The following PPP4R2 variants were observed in gnomAD, a reference collection of about 807,000 sequenced individuals.
The protein encoded by PPP4R2 is protein phosphatase 4 regulatory subunit 2.
In PPP4R2, 13 loss-of-function variants were observed where a neutral mutation model predicts 47.2. The observed-to-expected ratio is 0.28, with a 90% CI of 0.18 to 0.44. The LOEUF is 0.44. Ranked by LOEUF, PPP4R2 falls within the 20% of genes least tolerant of loss-of-function variation. The pLI is 1.00. For synonymous variants in PPP4R2, 151 were observed against 163.3 expected, an observed-to-expected ratio of 0.92 and a Z score of 0.57; for missense variants, 421 against 491.2, an observed-to-expected ratio of 0.86 and a Z score of 1.35.
intron 2 of PPP4R2, among the ~76,000 whole-genome samples, chr3:73,035,765 A>G (rs751657889): frequency 3.3e-5 from 5 of 152,004 alleles, no homozygotes; most frequent in South Asian, 2.1e-4. Flanking sequence ...AGCTGGGACT[A>G]CAGGCACACA....
rs1267623927 is a variant in PPP4R2 at position 73,013,285 on chromosome 3, T to G, written c.116+15127T>G. ...GCTTTAAAAACTTGGATTTAAAATATGGAGAATATCTTGATATATGCTTTT... is the reference window on the plus strand; with the variant it reads ...GCTTTAAAAACTTGGATTTAAAATAGGGAGAATATCTTGATATATGCTTTT... On this transcript the variant is annotated intron_variant, in intron 2 of 8. Coordinates refer to ENST00000356692, the MANE Select transcript of PPP4R2 (RefSeq NM_174907.4). Among the ~76,000 whole-genome samples, 3 of 152,192 alleles carry G rather than the reference T, an allele frequency of 2.0e-5. No homozygotes were observed. In the East Asian group the frequency reaches 5.8e-4, roughly 29 times the overall value.
chr3:72,996,810 C>T (rs1272350244), upstream of PPP4R2: 5 of 383,168 alleles, frequency 1.3e-5, no homozygotes, highest in East Asian at 1.9e-4. Context: ...GGTGACGTAC[C>T]GGGCGCCATG....
rs759442308 is a variant in PPP4R2 at position 73,047,343 on chromosome 3, A to G, written c.274A>G (p.Thr92Ala). Residue 92 changes from threonine (T) to alanine (A), a missense_variant, in exon 3 of 9, where the codon ACT (threonine) becomes GCT (alanine). Transcript: ENST00000356692. ...EMKERILKIV[T>A]GFNGIPFTIQ... is the part of the protein sequence containing the mutation. ...GAAGGAAAGAATACTGAAAATTGTC[A>G]CTGGATTTAATGGGTATGCACTTAA... 2.5e-6 allele frequency: 4 copies of G among 1,608,054 alleles called. No homozygotes were observed. Among genetic ancestry groups the G allele is most frequent in the East Asian group, 4.5e-5 (2 of 44,770 alleles).
At chr3:73,031,539 CTCAAAAAAGAAAA>C (rs1343487658) in intron 2 of PPP4R2, among the ~76,000 whole-genome samples, 2 of 129,178 alleles carry the variant, frequency 1.5e-5, no homozygotes, top group African/African-American at 6.2e-5. Flanking sequence ...GAAACTGTGT[CTCAAAAAAGAAAA>C]GAAAAAAAGA....
chr3:73,063,315 A>AT (rs961097221), intron 5 of PPP4R2: 99 of 152,988 alleles, frequency 6.5e-4, no homozygotes, highest in East Asian at 6.0e-3. Context: ...AATTCTCATT[A>AT]TTTAAAAAAA....
intron 2 of PPP4R2, among the ~76,000 whole-genome samples, chr3:73,041,461 A>G (rs1019101204): frequency 9.2e-5 from 14 of 152,258 alleles, no homozygotes; most frequent in African/African-American, 3.4e-4. Context: ...TCATATAATT[A>G]AGACTGAATT....
chr3:73,033,529 A>G (rs1474749002), intron 2 of PPP4R2, among the ~76,000 whole-genome samples: 1 of 152,202 alleles, frequency 6.6e-6, no homozygotes, highest in Non-Finnish European at 1.5e-5. Context: ...TTGAGGCAAA[A>G]CATGCATAAA....
At chr3:73,003,202 G>A (rs1361985738) in intron 2 of PPP4R2, among the ~76,000 whole-genome samples, 4 of 143,330 alleles carry the variant, frequency 2.8e-5, no homozygotes, top group African/African-American at 5.2e-5. Flanking sequence ...TTGCTATTAC[G>A]TAACTTTCCC....
intron 2 of PPP4R2, among the ~76,000 whole-genome samples, chr3:73,003,049 T>C (rs948377716): frequency 2.0e-5 from 3 of 152,120 alleles, no homozygotes; most frequent in African/African-American, 4.8e-5. Flanking sequence ...TAACCAACAT[T>C]ACACATCAGA....
chr3:73,054,184 C>T (rs1179103686), intron 3 of PPP4R2, among the ~76,000 whole-genome samples: 1 of 152,174 alleles, frequency 6.6e-6, no homozygotes, highest in Non-Finnish European at 1.5e-5. Flanking sequence ...CCCCAAAATG[C>T]TGGGATTACA....
At chr3:73,062,693 C>T (rs1325143286) in intron 5 of PPP4R2, 1 of 1,614,028 alleles carries the variant, frequency 6.2e-7, no homozygotes. Flanking sequence ...TTTGCACCAG[C>T]AGTCTCCAAG....
intron 2 of PPP4R2, among the ~76,000 whole-genome samples, chr3:73,007,125 C>T (rs190393136): frequency 2.6e-4 from 39 of 152,288 alleles, no homozygotes; most frequent in Admixed American, 1.0e-3. Flanking sequence ...TAAGTCACTT[C>T]CCTCATTTAT....
At chr3:73,000,421 TA>T (rs1701435631) in intron 2 of PPP4R2, among the ~76,000 whole-genome samples, 1 of 152,216 alleles carries the variant, frequency 6.6e-6, no homozygotes, top group Non-Finnish European at 1.5e-5. Context: ...TGAAACTGTT[TA>T]TGGATCAAAA....
At chr3:73,041,695 C>T (rs1702383112) in intron 2 of PPP4R2, among the ~76,000 whole-genome samples, 1 of 152,218 alleles carries the variant, frequency 6.6e-6, no homozygotes, top group Non-Finnish European at 1.5e-5. Context: ...GTGTTCCTCA[C>T]ACTTTGTGTG....
At chr3:73,048,155 G>A (rs1465904080) in intron 3 of PPP4R2, among the ~76,000 whole-genome samples, 2 of 152,220 alleles carry the variant, frequency 1.3e-5, no homozygotes, top group African/African-American at 2.4e-5. Context: ...AATTACAGGC[G>A]TGAGCCACCA....
chr3:73,017,054 T>G (rs1436096032), intron 2 of PPP4R2, among the ~76,000 whole-genome samples: 1 of 152,108 alleles, frequency 6.6e-6, no homozygotes, highest in Non-Finnish European at 1.5e-5. Context: ...CCTGAACTCC[T>G]GAGCTCAAGT....
Position 73,065,499 on chromosome 3 carries a change from A to G in PPP4R2, c.1031A>G (p.Asn344Ser). The stretch of plus-strand genomic sequence containing the variant: ...AATGAAGAGACTTCTGAGGAAAATA[A>G]TCAAATGGAGGAATCTGATGTGTCT... ...TVNEETSEEN[N>S]QMEESDVSQA... is the part of the protein sequence containing the mutation. The change falls in exon 9 of 9, where the codon AAT becomes AGT. Residue 344 changes from asparagine to serine, a missense_variant. Coordinates refer to ENST00000356692, the MANE Select transcript of PPP4R2 (RefSeq NM_174907.4). The G allele has an allele frequency of 2.5e-6, 4 of 1,611,898 alleles. No homozygotes were observed. The highest frequency in any genetic ancestry group is 3.4e-6 in the Non-Finnish European group (4 of 1,179,726).
chr3:73,012,549 C>T (rs141845301), intron 2 of PPP4R2, among the ~76,000 whole-genome samples: 16 of 152,196 alleles, frequency 1.1e-4, no homozygotes, highest in Non-Finnish European at 2.2e-4. Flanking sequence ...GATCCACCCA[C>T]CTCTGCCCTC....
chr3:73,038,199 G>A (rs1157237902), intron 2 of PPP4R2, among the ~76,000 whole-genome samples: 1 of 152,094 alleles, frequency 6.6e-6, no homozygotes. Context: ...AGGGAGGAAG[G>A]TAGATCCACT....
Sources: gnomAD v4.1 joint callset for allele counts (sites outside exome capture counted in the v4.1 genomes callset) on GRCh38, gnomAD v4.1.1 for gene constraint, MANE v1.5 for transcripts, NCBI Gene and HGNC (gene_info 2026-07-23, HGNC 2026-07-21) for gene names.